COL11A1: variants seen among roughly 807,000 people sequenced by gnomAD.
COL11A1 encodes collagen alpha-1(XI) chain.
COL11A1 carries 74 observed loss-of-function variants against 265.2 expected under a neutral mutation model. The observed-to-expected ratio is 0.28, with a 90% CI of 0.23 to 0.34. The LOEUF is 0.34. Ranked by LOEUF, COL11A1 falls within the 10% of genes least tolerant of loss-of-function variation. The probability of loss-of-function intolerance (pLI) is 1.00; values close to 1 mark genes in which losing one functional copy is unlikely to be tolerated. For missense variants in COL11A1, 2,165 were observed against 2,263.6 expected (o/e 0.96, Z 0.88); for synonymous variants, 816 against 727.6 (o/e 1.12, Z -1.96).
At chr1:103,035,818 G>C (rs759722509) in intron 4 of COL11A1, among the ~76,000 whole-genome samples, 6 of 147,404 alleles carry the variant, frequency 4.1e-5, no homozygotes, top group Non-Finnish European at 7.6e-5. Flanking sequence ...ATTAGTTTCT[G>C]AGTTTTTTTG....
At chr1:102,889,583 A>T (rs1651484321) in intron 58 of COL11A1, 21 bp from the exon 59 acceptor site, 1 of 1,517,226 alleles carries the variant, frequency 6.6e-7, no homozygotes, top group Non-Finnish European at 9.2e-7. Context: ...CAGAGAAAAA[A>T]AATAATAACA....
At chr1:102,970,176 G>A in intron 37 of COL11A1, 43 bp downstream of exon 37, 2 of 1,527,956 alleles carry the variant, frequency 1.3e-6, no homozygotes, top group Non-Finnish European at 9.1e-7. Context: ...CTGATGAGGT[G>A]CTAGAGATGG....
At chr1:102,965,617 T>G in intron 37 of COL11A1, 77 bp from the exon 38 acceptor site, 1 of 1,171,422 alleles carries the variant, frequency 8.5e-7, no homozygotes, top group Admixed American at 1.8e-5. Flanking sequence ...GATAGCTGAA[T>G]AAGTCACATT....
At chr1:102,897,927 A>G (rs879279567) in intron 57 of COL11A1, among the ~76,000 whole-genome samples, 198 bp downstream of exon 57, 4 of 152,182 alleles carry the variant, frequency 2.6e-5, no homozygotes, top group Admixed American at 6.5e-5. Context: ...GAAAGAAACA[A>G]ATCTTCTGAT....
chr1:103,006,223 G>T (rs764285201), intron 16 of COL11A1, 39 bp downstream of exon 16: 11 of 1,028,188 alleles, frequency 1.1e-5, no homozygotes, highest in Non-Finnish European at 1.6e-5. Flanking sequence ...AATGATCATG[G>T]CAGATGCCTT....
intron 4 of COL11A1, among the ~76,000 whole-genome samples, chr1:103,036,826 A>T (rs1054183874): frequency 1.3e-5 from 2 of 152,114 alleles, no homozygotes; most frequent in Non-Finnish European, 2.9e-5. Context: ...AATGGTCCAC[A>T]AAACCAAGAT....
intron 46 of COL11A1, among the ~76,000 whole-genome samples, chr1:102,927,270 C>T (rs1218911911): frequency 6.6e-6 from 1 of 152,028 alleles, no homozygotes; most frequent in East Asian, 1.9e-4. Flanking sequence ...CCATAAGTTA[C>T]CCTCATGTGG....
chr1:103,087,314 A>T (rs1023329721), intron 1 of COL11A1, among the ~76,000 whole-genome samples: 2 of 152,190 alleles, frequency 1.3e-5, no homozygotes, highest in Admixed American at 6.5e-5. Context: ...TCAGAGCCCA[A>T]TGTGCTACTA....
chr1:102,879,608 G>C (rs1427761093), intron 66 of COL11A1, 75 bp downstream of exon 66: 2 of 1,307,206 alleles, frequency 1.5e-6, no homozygotes, highest in Non-Finnish European at 2.2e-6. Context: ...AGAAAAATCT[G>C]GCTAAGGACC....
chr1:103,010,891 G>C (rs921385084), intron 14 of COL11A1, among the ~76,000 whole-genome samples: 4 of 151,944 alleles, frequency 2.6e-5, no homozygotes, highest in Non-Finnish European at 5.9e-5. Context: ...GTAGAAACGG[G>C]GTTTCTCCAT....
intron 41 of COL11A1, among the ~76,000 whole-genome samples, chr1:102,954,027 A>G (rs1660137717): frequency 2.0e-5 from 3 of 152,214 alleles, no homozygotes; most frequent in Non-Finnish European, 4.4e-5. Context: ...CCATAATATC[A>G]TAAGTGTTCT....
intron 4 of COL11A1, among the ~76,000 whole-genome samples, chr1:103,047,983 T>C (rs913997470): frequency 9.9e-5 from 15 of 152,232 alleles, no homozygotes; most frequent in African/African-American, 2.7e-4. Flanking sequence ...AGCTTTTTTA[T>C]GTGCTGCTGG....
At chr1:102,891,531 A>G (rs1651780731) in intron 57 of COL11A1, among the ~76,000 whole-genome samples, 1 of 151,930 alleles carries the variant, frequency 6.6e-6, no homozygotes, top group Non-Finnish European at 1.5e-5. Context: ...CCCCCGCCCA[A>G]GGAAATTTTC....
intron 9 of COL11A1, among the ~76,000 whole-genome samples, chr1:103,019,722 A>G (rs776741676): frequency 3.7e-4 from 53 of 141,884 alleles, no homozygotes; most frequent in African/African-American, 1.2e-3. Flanking sequence ...ATATCTCCCA[A>G]TGCTATCCCT....
At chr1:102,986,355 T>C (rs886568089) in intron 30 of COL11A1, among the ~76,000 whole-genome samples, 1 of 137,394 alleles carries the variant, frequency 7.3e-6, no homozygotes, top group African/African-American at 2.8e-5. Context: ...CAGGTGGGAA[T>C]TGAACAATGA....
chr1:103,058,939 G>A (rs550180842), intron 4 of COL11A1, among the ~76,000 whole-genome samples: 1 of 152,076 alleles, frequency 6.6e-6, no homozygotes, highest in African/African-American at 2.4e-5. Context: ...TTGTTTTGGG[G>A]TCTCATAAAC....
chr1:102,952,716 C>G (rs1660007305), intron 41 of COL11A1, among the ~76,000 whole-genome samples: 1 of 152,146 alleles, frequency 6.6e-6, no homozygotes, highest in Admixed American at 6.5e-5. Flanking sequence ...GCATGCTCTG[C>G]TATAATTTTA....
rs537309213 is a variant in COL11A1, at chr1:103,084,309, A to T, written c.107-1337T>A. 1.1e-4 allele frequency among the ~76,000 whole-genome samples: 17 copies of T among 152,216 alleles called. No homozygotes were observed. In the East Asian group the frequency reaches 3.1e-3, roughly 28 times the overall value. ...TTCTGTCTCTAGTTACTCATTCGAG[A>T]ATTTTCATTTAAGTAGACTCATACA... On this transcript the variant is annotated intron_variant, in intron 1 of 66. Coordinates refer to ENST00000370096, the MANE Select transcript of COL11A1 (RefSeq NM_001854.4).
intron 28 of COL11A1, 147 bp from the exon 29 acceptor site, chr1:102,989,718 T>C: frequency 2.0e-6 from 1 of 487,942 alleles, no homozygotes; most frequent in Non-Finnish European, 3.7e-6. Flanking sequence ...CCTCCTCCCT[T>C]TTCCAACTCC....
Sources: allele counts gnomAD v4.1 joint callset (sites outside exome capture counted in the v4.1 genomes callset), GRCh38; gene constraint gnomAD v4.1.1; transcripts MANE v1.5; gene names NCBI Gene and HGNC (gene_info 2026-07-23, HGNC 2026-07-21).